KLRG1: variants seen among roughly 807,000 people sequenced by gnomAD.
KLRG1 encodes killer cell lectin-like receptor subfamily G member 1.
Under a neutral mutation model 21.8 loss-of-function variants are expected in KLRG1, and 16 were observed. The ratio of observed to expected loss-of-function variants is 0.73; its 90% CI spans 0.50 to 1.11. The LOEUF (loss-of-function observed/expected upper bound fraction) is 1.11, where lower values mean the gene tolerates loss of function less well. Ranked by LOEUF, KLRG1 falls within the 50% of genes most tolerant of loss-of-function variation. The pLI is 0.00. For missense variants in KLRG1, 173 were observed against 218.3 expected, an observed-to-expected ratio of 0.79 and a Z score of 1.31; for synonymous variants, 69 against 75.9, an observed-to-expected ratio of 0.91 and a Z score of 0.47.
chr12:9,041,312 C>T, the KLRG1 span, among the ~76,000 whole-genome samples: 3 of 151,986 alleles, frequency 2.0e-5, no homozygotes, highest in South Asian at 2.1e-4. Flanking sequence ...TCCAGCCTGG[C>T]GAAAGCGTGA....
At chr12:9,070,112 T>C in the KLRG1 span, among the ~76,000 whole-genome samples, 57 of 152,310 alleles carry the variant, frequency 3.7e-4, 1 homozygote, top group African/African-American at 1.3e-3. Flanking sequence ...CATAAGGAGT[T>C]TTTTTCCTGT....
At chr12:9,012,750 C>A (rs1203389050), downstream of KLRG1, among the ~76,000 whole-genome samples, 1 of 151,992 alleles carries the variant, frequency 6.6e-6, no homozygotes, top group African/African-American at 2.4e-5. Context: ...CATTTCTGGA[C>A]CTGCCCTGAG....
At chr12:8,973,307 G>C (rs1286374106) in intron 1 of KLRG1, among the ~76,000 whole-genome samples, 1 of 151,806 alleles carries the variant, frequency 6.6e-6, no homozygotes, top group Non-Finnish European at 1.5e-5. Flanking sequence ...CAATATGATA[G>C]TATTAAGATG....
chr12:9,154,686 G>A, the KLRG1 span: 4 of 1,614,182 alleles, frequency 2.5e-6, no homozygotes, highest in Non-Finnish European at 3.4e-6. Context: ...AGTTGCAGAG[G>A]TCAGGTCCCC....
the KLRG1 span, chr12:9,162,257 C>T: frequency 2.5e-5 from 5 of 196,150 alleles, no homozygotes; most frequent in East Asian, 1.3e-4. Flanking sequence ...CCACCACACC[C>T]GGCTAACCCT....
chr12:9,130,386 C>T, the KLRG1 span, among the ~76,000 whole-genome samples: 1 of 152,060 alleles, frequency 6.6e-6, no homozygotes, highest in Admixed American at 6.6e-5. Flanking sequence ...TTTTCCATAG[C>T]AGTTAAACCA....
the KLRG1 span, chr12:9,150,732 C>T: frequency 1.7e-5 from 28 of 1,611,152 alleles, no homozygotes; most frequent in East Asian, 6.7e-5. Context: ...AAAAACTTAG[C>T]GTCTGATTTG....
the KLRG1 span, among the ~76,000 whole-genome samples, chr12:9,103,396 C>G: frequency 7.2e-5 from 11 of 152,218 alleles, no homozygotes; most frequent in Non-Finnish European, 1.6e-4. Flanking sequence ...GGAATTCACA[C>G]TTTTCAAAAA....
intron 3 of KLRG1, among the ~76,000 whole-genome samples, chr12:9,001,251 A>G (rs1276516959): frequency 6.6e-6 from 1 of 152,146 alleles, no homozygotes; most frequent in East Asian, 1.9e-4. Flanking sequence ...TTTTTTTCAA[A>G]TTAGTAATTA....
chr12:9,060,299 G>A, the KLRG1 span, among the ~76,000 whole-genome samples: 2 of 151,460 alleles, frequency 1.3e-5, no homozygotes, highest in Non-Finnish European at 2.9e-5. Flanking sequence ...TGGGATTACA[G>A]GCGTGAGCCA....
chr12:9,091,202 C>T, the KLRG1 span: 17 of 1,612,968 alleles, frequency 1.1e-5, no homozygotes, highest in South Asian at 2.2e-5. Context: ...GATCCTTACC[C>T]GGATGCATTT....
the KLRG1 span, among the ~76,000 whole-genome samples, chr12:9,096,625 C>G: frequency 3.9e-5 from 6 of 152,194 alleles, no homozygotes; most frequent in South Asian, 2.1e-4. Flanking sequence ...AGAAGTAAGA[C>G]AGACATAAAA....
At chr12:9,162,659 A>C in the KLRG1 span, 1 of 1,572,152 alleles carries the variant, frequency 6.4e-7, no homozygotes, top group Non-Finnish European at 8.7e-7. Context: ...CTTGGATGAA[A>C]GGAAAGAAAA....
At chr12:9,107,738 CCT>C in the KLRG1 span, 1 of 1,426,198 alleles carries the variant, frequency 7.0e-7, no homozygotes, top group Non-Finnish European at 9.7e-7. Flanking sequence ...CAGTATATTC[CCT>C]GTCTGTACTT....
At chr12:8,956,589 G>A (rs1418479945) in intron 1 of KLRG1, among the ~76,000 whole-genome samples, 2 of 152,114 alleles carry the variant, frequency 1.3e-5, no homozygotes, top group African/African-American at 4.8e-5. Flanking sequence ...GAGATTACAG[G>A]TGCCTGCCAC....
the KLRG1 span, chr12:9,196,766 C>T: frequency 8.0e-7 from 1 of 1,248,738 alleles, no homozygotes; most frequent in Non-Finnish European, 1.1e-6. Flanking sequence ...TCTCTAATGA[C>T]AAGAAAACTT....
chr12:9,101,555 C>T, the KLRG1 span: 1 of 1,613,960 alleles, frequency 6.2e-7, no homozygotes, highest in Non-Finnish European at 8.5e-7. Flanking sequence ...GAGACATGGG[C>T]TCAAGGTGGA....
At chr12:9,162,773 C>A in the KLRG1 span, 1 of 808,468 alleles carries the variant, frequency 1.2e-6, no homozygotes, top group Non-Finnish European at 2.0e-6. Context: ...CTCTTTTTTT[C>A]CCAACTTTTG....
the KLRG1 span, among the ~76,000 whole-genome samples, chr12:9,094,295 G>A: frequency 6.8e-6 from 1 of 146,480 alleles, no homozygotes; most frequent in East Asian, 2.0e-4. Context: ...TTAAGGGTGT[G>A]CTGGTCAATA....
Sources: gnomAD v4.1 joint callset for allele counts (sites outside exome capture counted in the v4.1 genomes callset) on GRCh38, gnomAD v4.1.1 for gene constraint, MANE v1.5 for transcripts, NCBI Gene and HGNC (gene_info 2026-07-23, HGNC 2026-07-21) for gene names.